TNS1: variants seen among roughly 807,000 people sequenced by gnomAD.
TNS1 encodes the protein tensin 1.
A neutral mutation model predicts 168.6 loss-of-function variants in TNS1; 62 were observed. The ratio of observed to expected loss-of-function variants is 0.37; its 90% CI spans 0.30 to 0.45. TNS1 has a LOEUF of 0.45. TNS1 is among the 20% of genes least tolerant of loss of function. The pLI, the probability that TNS1 is intolerant of heterozygous loss-of-function variation, is 1.00. For synonymous variants in TNS1, 934 were observed against 933.2 expected (o/e 1.00, Z -0.02); for missense variants, 2,240 against 2,339.4 (o/e 0.96, Z 0.88).
intron 4 of TNS1, among the ~76,000 whole-genome samples, chr2:217,912,569 G>A (rs1486734604): frequency 4.6e-5 from 7 of 152,170 alleles, no homozygotes; most frequent in Non-Finnish European, 8.8e-5. Context: ...GGCTAGCGAG[G>A]GCTGGAATGG....
intron 7 of TNS1, 27 bp downstream of exon 7, chr2:217,900,435 GC>G (rs1377574012): frequency 6.5e-7 from 1 of 1,533,690 alleles, no homozygotes; most frequent in Non-Finnish European, 8.7e-7. Context: ...TTGCACTCCC[GC>G]CCCCTGCCCC....
At chr2:217,961,258 C>CAGAG (rs746086984) in intron 3 of TNS1, among the ~76,000 whole-genome samples, 94 of 139,882 alleles carry the variant, frequency 6.7e-4, no homozygotes, top group African/African-American at 2.5e-3. Context: ...CACACACACA[C>CAGAG]ACAGAGAGAG....
At chr2:218,018,186 CAGGCT>C (rs977823862) in intron 1 of TNS1, among the ~76,000 whole-genome samples, 1 of 152,200 alleles carries the variant, frequency 6.6e-6, no homozygotes, top group African/African-American at 2.4e-5. Context: ...CACCAGGAAA[CAGGCT>C]AGGACTAAAG....
At chr2:217,950,923 G>A (rs544382408) in intron 3 of TNS1, among the ~76,000 whole-genome samples, 28 of 151,730 alleles carry the variant, frequency 1.8e-4, no homozygotes, top group Non-Finnish European at 2.4e-4. Flanking sequence ...CCCGGGCTCC[G>A]AGGGAAAATC....
At chr2:217,886,844 G>C (rs1574955129) in intron 12 of TNS1, among the ~76,000 whole-genome samples, 198 bp from the exon 13 acceptor site, 1 of 152,128 alleles carries the variant, frequency 6.6e-6, no homozygotes, top group Admixed American at 6.5e-5. Context: ...TAGGAAGAGT[G>C]AGCAGGTATA....
chr2:217,886,461 G>A (rs1426652851), intron 13 of TNS1, 73 bp downstream of exon 13: 110 of 1,227,366 alleles, frequency 9.0e-5, no homozygotes, highest in Admixed American at 9.9e-5. Context: ...ACCCAAGGTT[G>A]CCTCTTAGAG....
intron 3 of TNS1, among the ~76,000 whole-genome samples, chr2:217,956,429 C>CACAGAAGAGTCAG (rs111480425): frequency 0.37 from 56,148 of 151,182 alleles, 14,310 homozygotes; most frequent in African/African-American, 0.74. Context: ...GTAACAAGGA[C>CACAGAAGAGTCAG]GCAGAAAAGA....
At chr2:217,937,492 C>T (rs1361543292) in intron 3 of TNS1, among the ~76,000 whole-genome samples, 3 of 152,212 alleles carry the variant, frequency 2.0e-5, no homozygotes, top group East Asian at 3.9e-4. Flanking sequence ...CCTGGCTTGG[C>T]GGCCCCTCTC....
chr2:217,872,360 T>C (rs1949844888), intron 18 of TNS1, among the ~76,000 whole-genome samples: 1 of 152,070 alleles, frequency 6.6e-6, no homozygotes, highest in African/African-American at 2.4e-5. Flanking sequence ...AACTCAATAA[T>C]GAAAAGACAA....
intron 7 of TNS1, 28 bp downstream of exon 7, chr2:217,900,435 G>A (rs907825835): frequency 9.1e-6 from 14 of 1,533,574 alleles, no homozygotes; most frequent in African/African-American, 2.7e-5. Context: ...TTGCACTCCC[G>A]CCCCCTGCCC....
intron 18 of TNS1, among the ~76,000 whole-genome samples, chr2:217,854,784 A>C (rs1420566697): frequency 6.6e-6 from 1 of 152,090 alleles, no homozygotes; most frequent in African/African-American, 2.4e-5. Context: ...TGGGGCAGGC[A>C]CCAGGACAGG....
At chr2:217,957,183 G>A (rs1038951019) in intron 3 of TNS1, among the ~76,000 whole-genome samples, 2 of 152,148 alleles carry the variant, frequency 1.3e-5, no homozygotes, top group Admixed American at 1.3e-4. Context: ...AGAGCCCAGT[G>A]GCCCCATGGT....
At chr2:217,825,184 T>C (rs535863571) in intron 22 of TNS1, among the ~76,000 whole-genome samples, 73 of 152,332 alleles carry the variant, frequency 4.8e-4, no homozygotes, top group South Asian at 8.3e-4. Flanking sequence ...AGACTTTTAT[T>C]TACTATGTCA....
Position 217,833,493 on chromosome 2 carries a change from A to G in TNS1, c.3280+1598T>C, listed in dbSNP as rs562979457. Among the ~76,000 whole-genome samples, 7 of 152,388 alleles carry G rather than the reference A, an allele frequency of 4.6e-5. No homozygotes were observed. The South Asian group carries it at 1.5e-3, about 32-fold the overall frequency. On this transcript the variant is annotated intron_variant, in intron 21 of 32. Coordinates refer to ENST00000682258, the MANE Select transcript of TNS1 (RefSeq NM_001387777.1). Reference sequence around the variant, plus strand: ...GGCTGGCCAAGAGGAGGGAGAGAAGAAGGCAAAACCCAGTTCTAGCACAGC... The same window carrying G: ...GGCTGGCCAAGAGGAGGGAGAGAAGGAGGCAAAACCCAGTTCTAGCACAGC...
intron 18 of TNS1, among the ~76,000 whole-genome samples, chr2:217,879,835 G>C (rs1054281871): frequency 6.6e-6 from 1 of 152,162 alleles, no homozygotes; most frequent in Non-Finnish European, 1.5e-5. Context: ...CTCTAACCTA[G>C]CTCTGCCATG....
intron 1 of TNS1, among the ~76,000 whole-genome samples, chr2:218,026,869 G>A (rs779496717): frequency 5.9e-5 from 9 of 152,210 alleles, no homozygotes; most frequent in South Asian, 2.1e-4. Flanking sequence ...TGGGAATGAC[G>A]TCTGGGTTGG....
At chr2:217,960,989 T>C (rs1440315789) in intron 3 of TNS1, among the ~76,000 whole-genome samples, 1 of 152,022 alleles carries the variant, frequency 6.6e-6, no homozygotes, top group African/African-American at 2.4e-5. Flanking sequence ...CAAGGCCCCA[T>C]CAGTGAGGGA....
intron 4 of TNS1, among the ~76,000 whole-genome samples, chr2:217,908,887 C>T (rs1479012510): frequency 6.6e-6 from 1 of 152,124 alleles, no homozygotes; most frequent in Non-Finnish European, 1.5e-5. Context: ...CACCTTCTCT[C>T]CACTTGGAGT....
chr2:218,010,168 A>G, exon 1 of TNS1: 1 of 399,130 alleles, frequency 2.5e-6, no homozygotes, highest in East Asian at 3.6e-5. Context: ...CGGATCACGC[A>G]GGAGAAGCAC....
Sources: gnomAD v4.1 joint callset for allele counts (sites outside exome capture counted in the v4.1 genomes callset) on GRCh38, gnomAD v4.1.1 for gene constraint, MANE v1.5 for transcripts, NCBI Gene and HGNC (gene_info 2026-07-23, HGNC 2026-07-21) for gene names.